The following DHX29 variants were observed in gnomAD, a reference collection of about 807,000 sequenced individuals.
The protein encoded by DHX29 is DExH-box helicase 29.
A neutral mutation model predicts 167.9 loss-of-function variants in DHX29; 79 were observed. The observed-to-expected ratio is 0.47, with a 90% CI of 0.39 to 0.57. The LOEUF (loss-of-function observed/expected upper bound fraction) is 0.57, where lower values mean the gene tolerates loss of function less well. Ranked by LOEUF, DHX29 falls within the 20% of genes least tolerant of loss-of-function variation. The pLI is 0.00. For synonymous variants in DHX29, 530 were observed against 546.0 expected, an observed-to-expected ratio of 0.97 and a Z score of 0.41; for missense variants, 1,347 against 1,593.4, an observed-to-expected ratio of 0.85 and a Z score of 2.63.
Position 55,301,835 on chromosome 5 carries a change from T to C in DHX29, c.188-3171A>G, listed in dbSNP as rs189493307. On this transcript the variant is annotated intron_variant, in intron 1 of 26. Coordinates refer to ENST00000251636, the MANE Select transcript of DHX29 (RefSeq NM_019030.4). Reference sequence around the variant, plus strand: ...CTTTGAGACATTTAAACATTAAATGTTCTTATGATTTTAAAGTCAAAGACT... The same window carrying C: ...CTTTGAGACATTTAAACATTAAATGCTCTTATGATTTTAAAGTCAAAGACT... Among the ~76,000 whole-genome samples the C allele has an allele frequency of 1.4e-4, 21 of 152,248 alleles. No individual in the cohort carries two copies. The East Asian group carries it at 3.9e-3, about 28-fold the overall frequency.
intron 21 of DHX29, 137 bp from the exon 22 acceptor site, chr5:55,267,959 A>C (rs1399064011): frequency 3.1e-5 from 13 of 419,566 alleles, no homozygotes; most frequent in Non-Finnish European, 4.4e-5. Flanking sequence ...TATTATGTTT[A>C]TTAGTATTAT....
intron 25 of DHX29, among the ~76,000 whole-genome samples, chr5:55,260,916 C>G (rs1746285246): frequency 6.6e-6 from 1 of 152,140 alleles, no homozygotes; most frequent in East Asian, 1.9e-4. Context: ...CCTTTTTATT[C>G]CACAATGTAG....
In DHX29 at chr5:55,277,146, C is replaced by G; in HGVS notation, c.2246G>C (p.Cys749Ser). The change falls in exon 13 of 27, where the codon TGC becomes TCC. Residue 749 changes from cysteine to serine, a missense_variant. Around this residue, in one of 3 missense-constraint regions of DHX29, gnomAD observed 882 missense variants for 1,082.4 expected, o/e 0.81. Coordinates refer to ENST00000251636, the MANE Select transcript of DHX29 (RefSeq NM_019030.4). Reference sequence around the variant, plus strand: ...TCTTCCTGAAATTCTGAGAATGGGGCAGTGTGTGAAATATGTAGAAAATTT... The same window carrying G: ...TCTTCCTGAAATTCTGAGAATGGGGGAGTGTGTGAAATATGTAGAAAATTT... Reference protein sequence around the residue: ...SEKFSTYFTHCPILRISGRSY... With the variant: ...SEKFSTYFTHSPILRISGRSY... 1.2e-6 allele frequency: 2 copies of G among 1,612,584 alleles called. No homozygotes were observed.
At chr5:55,263,244 T>C (rs1746395460) in intron 23 of DHX29, among the ~76,000 whole-genome samples, 3 of 152,168 alleles carry the variant, frequency 2.0e-5, no homozygotes, top group Admixed American at 6.5e-5. Context: ...CTCTCCTTTT[T>C]CTCTGGAGAT....
intron 5 of DHX29, among the ~76,000 whole-genome samples, chr5:55,294,401 G>A (rs906117599): frequency 2.6e-5 from 4 of 152,228 alleles, no homozygotes; most frequent in Admixed American, 2.6e-4. Flanking sequence ...TTGGCTGGGT[G>A]CGGTGGCTCA....
rs1748962303 is a variant in DHX29 at position 55,307,674 on chromosome 5, G to A, written c.-101C>T. ...TCCCCGGCTCCGGGGCTGCCACCCTGCGCTTCGATCCGGGCTTCTCGGGCC... is the reference window on the plus strand; with the variant it reads ...TCCCCGGCTCCGGGGCTGCCACCCTACGCTTCGATCCGGGCTTCTCGGGCC... On this transcript the variant is annotated 5_prime_UTR_variant, in exon 1 of 27. Coordinates refer to ENST00000251636, the MANE Select transcript of DHX29 (RefSeq NM_019030.4). 3.4e-6 allele frequency: 5 copies of A among 1,465,784 alleles called. No homozygotes were observed. In the East Asian group the frequency reaches 1.1e-4, roughly 33 times the overall value. 90.8% of individuals were successfully genotyped at this position (1,465,784 alleles called of 1,614,324 possible). A position where few individuals can be genotyped will look rare whatever the true frequency, so the allele number is the denominator to read the frequency against.
chr5:55,296,128 A>G, intron 4 of DHX29, 92 bp downstream of exon 4: 1 of 1,330,642 alleles, frequency 7.5e-7, no homozygotes. Flanking sequence ...TATGACAGTG[A>G]AAAAATATGA....
chr5:55,259,807 CAT>C (rs775438574), intron 26 of DHX29, 39 bp downstream of exon 26: 19 of 1,168,246 alleles, frequency 1.6e-5, no homozygotes, highest in South Asian at 1.4e-4. Context: ...TACACATACA[CAT>C]ATGTGTATAT....
intron 4 of DHX29, 132 bp downstream of exon 4, chr5:55,296,088 G>C (rs970010683): frequency 1.2e-5 from 11 of 955,324 alleles, no homozygotes; most frequent in Non-Finnish European, 1.6e-5. Context: ...GAAAAGAACA[G>C]AAGGTAAGAA....
At chr5:55,259,717 G>C in intron 26 of DHX29, 131 bp downstream of exon 26, 1 of 492,506 alleles carries the variant, frequency 2.0e-6, no homozygotes, top group African/African-American at 1.9e-5. Context: ...TGGCCTCCCA[G>C]AAGTGCTGGG....
At position 55,283,810 on chromosome 5, in the gene DHX29, G is replaced by T; in HGVS notation, c.1358C>A (p.Ser453Ter). ...AGTGGGAGGAAGTAACTGATGAACT[G>T]ACTAAAGGAAAAACAGAGGTATGTT... Reference protein sequence around the residue: ...LALYRLVKGQSVHQLLPPTYR... With the variant: ...LALYRLVKGQ The change falls in exon 11 of 27, where the codon TCA becomes TAA. Residue 453 changes from serine (S) to a stop codon, truncating the protein, a stop_gained and splice_region_variant. Coordinates refer to ENST00000251636, the MANE Select transcript of DHX29 (RefSeq NM_019030.4). LOFTEE classifies it high-confidence loss of function. 1 of 1,570,334 alleles carries T rather than the reference G, an allele frequency of 6.4e-7. No homozygotes were observed. Among genetic ancestry groups the T allele is most frequent in the Non-Finnish European group, 8.6e-7 (1 of 1,163,132 alleles).
At chr5:55,269,964 T>C (rs1222283353) in intron 20 of DHX29, among the ~76,000 whole-genome samples, 1 of 152,154 alleles carries the variant, frequency 6.6e-6, no homozygotes, top group African/African-American at 2.4e-5. Flanking sequence ...TAAGAAGACC[T>C]TTGTTTAAGT....
rs1747173484 is a variant in DHX29 at position 55,277,404 on chromosome 5, T to C, written c.2110-122A>G. ...TCAATATCTAAGTACAGTCAGTACA[T>C]GTGCGGGGAGGGAGAAGCTGTAAGT... On this transcript the variant is annotated intron_variant, in intron 12 of 26. Transcript: ENST00000251636. 5.2e-6 allele frequency: 3 copies of C among 572,698 alleles called. No individual in the cohort carries two copies. In the Admixed American group the frequency reaches 9.9e-5, roughly 19 times the overall value. 35.5% of individuals were successfully genotyped at this position (572,698 alleles called of 1,614,324 possible). A position where few individuals can be genotyped will look rare whatever the true frequency, so the allele number is the denominator to read the frequency against.
chr5:55,298,024 TCA>T (rs1409197899), intron 2 of DHX29, among the ~76,000 whole-genome samples: 1 of 152,098 alleles, frequency 6.6e-6, no homozygotes, highest in African/African-American at 2.4e-5. Context: ...ATTCAGAAAT[TCA>T]CAGTCTAGCC....
At chr5:55,305,226 A>G (rs979589705) in intron 1 of DHX29, among the ~76,000 whole-genome samples, 1 of 152,254 alleles carries the variant, frequency 6.6e-6, no homozygotes, top group African/African-American at 2.4e-5. Context: ...TTAAACAACT[A>G]TGATACGTCA....
chr5:55,292,278 T>G (rs1748088682), intron 6 of DHX29, among the ~76,000 whole-genome samples: 1 of 152,188 alleles, frequency 6.6e-6, no homozygotes, highest in South Asian at 2.1e-4. Context: ...TGATTAGTAA[T>G]GTTGAGCATT....
chr5:55,291,724 T>G (rs1331512641), intron 6 of DHX29, among the ~76,000 whole-genome samples: 3 of 152,224 alleles, frequency 2.0e-5, no homozygotes, highest in African/African-American at 7.2e-5. Context: ...TTCTACTTTG[T>G]CTCTATGAAT....
intron 18 of DHX29, 52 bp from the exon 19 acceptor site, chr5:55,270,758 T>C (rs746902685): frequency 5.4e-6 from 8 of 1,492,654 alleles, no homozygotes; most frequent in South Asian, 4.6e-5. Flanking sequence ...TAAGTCAAAA[T>C]TGGAAAAAGC....
chr5:55,263,905 G>A (rs1462045357), intron 23 of DHX29, among the ~76,000 whole-genome samples: 2 of 151,068 alleles, frequency 1.3e-5, no homozygotes, highest in East Asian at 2.0e-4. Context: ...CAAAAAAGCA[G>A]TGTGTCAAAT....
Sources: gnomAD v4.1 joint callset for allele counts (sites outside exome capture counted in the v4.1 genomes callset) on GRCh38, gnomAD v4.1.1 for gene constraint, gnomAD v4.1.1 regional missense constraint, MANE v1.5 for transcripts, NCBI Gene and HGNC (gene_info 2026-07-23, HGNC 2026-07-21) for gene names.